The following PTPRT variants were observed in gnomAD, a reference collection of about 807,000 sequenced individuals.
PTPRT encodes protein tyrosine phosphatase receptor type T, also known as receptor-type tyrosine-protein phosphatase T.
In PTPRT, 56 loss-of-function variants were observed where a neutral mutation model predicts 176.8. The ratio of observed to expected loss-of-function variants is 0.32; its 90% CI spans 0.26 to 0.40. The LOEUF is 0.40. PTPRT is among the 10% of genes least tolerant of loss of function. The pLI, the probability that PTPRT is intolerant of heterozygous loss-of-function variation, is 1.00. For synonymous variants in PTPRT, 783 were observed against 739.0 expected, an observed-to-expected ratio of 1.06 and a Z score of -0.96; for missense variants, 1,540 against 1,908.2, an observed-to-expected ratio of 0.81 and a Z score of 3.60.
chr20:42,519,269 T>C (rs1182398320), intron 7 of PTPRT, among the ~76,000 whole-genome samples: 1 of 152,190 alleles, frequency 6.6e-6, no homozygotes, highest in African/African-American at 2.4e-5. Context: ...CTTAGCCTAA[T>C]TCTCTGAAGA....
chr20:42,583,024 A>G (rs768502758), intron 7 of PTPRT, among the ~76,000 whole-genome samples: 1 of 152,136 alleles, frequency 6.6e-6, no homozygotes, highest in Non-Finnish European at 1.5e-5. Context: ...CTACAGCTCC[A>G]GGGCTCAGCA....
chr20:42,223,167 C>G (rs988764262), intron 15 of PTPRT, among the ~76,000 whole-genome samples: 2 of 152,276 alleles, frequency 1.3e-5, no homozygotes, highest in East Asian at 3.9e-4. Flanking sequence ...AACTGCAAAA[C>G]AGCAGTAGAC....
At chr20:42,095,456 A>C (rs1600493891) in intron 27 of PTPRT, among the ~76,000 whole-genome samples, 1 of 152,180 alleles carries the variant, frequency 6.6e-6, no homozygotes, top group African/African-American at 2.4e-5. Context: ...GCCTGGGTGC[A>C]GGTGTTCCCT....
At chr20:42,481,221 A>C (rs2071378791) in intron 7 of PTPRT, among the ~76,000 whole-genome samples, 1 of 152,190 alleles carries the variant, frequency 6.6e-6, no homozygotes. Context: ...AGGCTATAGC[A>C]TGCTTACTCT....
At position 42,438,868 on chromosome 20, in the gene PTPRT, T is replaced by C. The variant is rs191221090; in HGVS notation, c.1560+9352A>G. Among the ~76,000 whole-genome samples, 20 of 152,300 alleles carry C rather than the reference T, an allele frequency of 1.3e-4. No individual in the cohort carries two copies. The East Asian group carries it at 3.9e-3, about 29-fold the overall frequency. ...TCCATCACAAATACCTGTGTCGTAATAGAAAAGAAGAAACACCCCAAGGCA... is the reference window on the plus strand; with the variant it reads ...TCCATCACAAATACCTGTGTCGTAACAGAAAAGAAGAAACACCCCAAGGCA... On this transcript the variant is annotated intron_variant, in intron 9 of 30. Transcript: ENST00000373187.
At position 42,807,167 on chromosome 20, in the gene PTPRT, G is replaced by A. The variant is rs115385038; in HGVS notation, c.215-15701C>T. 5.3e-3 allele frequency among the ~76,000 whole-genome samples: 802 copies of A among 152,334 alleles called. 11 individuals are homozygous for A. Among genetic ancestry groups the A allele is most frequent in the African/African-American group, 0.018 (736 of 41,584 alleles). Reference sequence around the variant, plus strand: ...TGTAAAGGGATGTCTGTCCCATTTAGATTGGTACAGACCTTTATCTTCTAC... The same window carrying A: ...TGTAAAGGGATGTCTGTCCCATTTAAATTGGTACAGACCTTTATCTTCTAC... On this transcript the variant is annotated intron_variant, in intron 2 of 30. Coordinates refer to ENST00000373187, the MANE Select transcript of PTPRT (RefSeq NM_007050.6).
At chr20:42,630,444 A>T (rs775309224) in intron 7 of PTPRT, among the ~76,000 whole-genome samples, 20 of 152,106 alleles carry the variant, frequency 1.3e-4, no homozygotes, top group Admixed American at 1.3e-4. Context: ...GGGGGAGGGT[A>T]AAGGAAAGAG....
intron 13 of PTPRT, among the ~76,000 whole-genome samples, chr20:42,277,208 G>C (rs1473605848): frequency 6.6e-6 from 1 of 152,018 alleles, no homozygotes; most frequent in Non-Finnish European, 1.5e-5. Flanking sequence ...TGTTTTAATG[G>C]GATCGTTAGA....
intron 1 of PTPRT, among the ~76,000 whole-genome samples, chr20:43,036,643 G>C (rs1484160349): frequency 6.6e-6 from 1 of 152,104 alleles, no homozygotes; most frequent in Non-Finnish European, 1.5e-5. Context: ...AGTTAGCTAT[G>C]AAAGGTTAGA....
intron 1 of PTPRT, among the ~76,000 whole-genome samples, chr20:42,921,352 A>G (rs1979132862): frequency 6.6e-6 from 1 of 152,218 alleles, no homozygotes; most frequent in Non-Finnish European, 1.5e-5. Flanking sequence ...AGATACCTAC[A>G]GAAAATGTAG....
At chr20:42,481,153 C>T (rs1035061054) in intron 7 of PTPRT, among the ~76,000 whole-genome samples, 23 of 151,964 alleles carry the variant, frequency 1.5e-4, no homozygotes, top group African/African-American at 5.1e-4. Flanking sequence ...ACAACATGTA[C>T]GCAAAATAGG....
At chr20:42,602,574 A>G (rs888419347) in intron 7 of PTPRT, among the ~76,000 whole-genome samples, 5 of 152,176 alleles carry the variant, frequency 3.3e-5, no homozygotes, top group African/African-American at 1.2e-4. Flanking sequence ...GCATAGTGAC[A>G]TTAGGACACT....
At chr20:42,070,555 G>T (rs1004699642), downstream of PTPRT, among the ~76,000 whole-genome samples, 4 of 151,880 alleles carry the variant, frequency 2.6e-5, no homozygotes, top group African/African-American at 9.7e-5. Context: ...AAGTTCAGGG[G>T]TACTATGGAG....
At chr20:42,597,823 C>G in intron 7 of PTPRT, among the ~76,000 whole-genome samples, 1 of 152,266 alleles carries the variant, frequency 6.6e-6, no homozygotes, top group South Asian at 2.1e-4. Context: ...AAGCAAGTCA[C>G]AAGTTCCACC....
intron 2 of PTPRT, among the ~76,000 whole-genome samples, chr20:42,872,198 T>A (rs2078857020): frequency 6.6e-6 from 1 of 152,226 alleles, no homozygotes; most frequent in Admixed American, 6.5e-5. Context: ...TAAAGTATGA[T>A]CGTGTCAGCA....
chr20:42,358,156 A>G (rs1475970285), intron 9 of PTPRT, among the ~76,000 whole-genome samples: 1 of 151,862 alleles, frequency 6.6e-6, no homozygotes, highest in African/African-American at 2.4e-5. Context: ...TAATAAATAT[A>G]CCATGGCTAT....
intron 7 of PTPRT, among the ~76,000 whole-genome samples, chr20:42,652,068 A>C (rs770170003): frequency 1.6e-4 from 24 of 148,908 alleles, no homozygotes; most frequent in Non-Finnish European, 3.4e-4. Context: ...AAACAAAAAC[A>C]AACAAAAAAA....
chr20:42,743,566 C>G (rs1422917701), intron 6 of PTPRT, among the ~76,000 whole-genome samples: 1 of 152,154 alleles, frequency 6.6e-6, no homozygotes, highest in Admixed American at 6.5e-5. Flanking sequence ...TAGAATACAA[C>G]CCATTATTTT....
intron 14 of PTPRT, among the ~76,000 whole-genome samples, chr20:42,236,945 A>G (rs756753890): frequency 1.3e-5 from 2 of 152,072 alleles, no homozygotes; most frequent in African/African-American, 2.4e-5. Context: ...CTGGGGAAAA[A>G]AAAGAAGCCT....
Sources: gnomAD v4.1 joint callset for allele counts (sites outside exome capture counted in the v4.1 genomes callset) on GRCh38, gnomAD v4.1.1 for gene constraint, MANE v1.5 for transcripts, NCBI Gene and HGNC (gene_info 2026-07-23, HGNC 2026-07-21) for gene names.